The following FAM3B variants were observed in gnomAD, a reference collection of about 807,000 sequenced individuals.
FAM3B encodes the protein protein FAM3B.
Under a neutral mutation model 28.4 loss-of-function variants are expected in FAM3B, and 29 were observed. That is an observed-to-expected ratio of 1.02 (90% CI 0.76 to 1.39). FAM3B has a LOEUF of 1.39. Ranked by LOEUF, FAM3B falls within the 40% of genes most tolerant of loss-of-function variation. The pLI is 0.00. For missense variants in FAM3B, 266 were observed against 293.9 expected (o/e 0.91, Z 0.69); for synonymous variants, 91 against 103.0 (o/e 0.88, Z 0.71).
chr21:41,314,091 G>T (rs1280311364), upstream of FAM3B, among the ~76,000 whole-genome samples: 2 of 152,188 alleles, frequency 1.3e-5, no homozygotes, highest in Admixed American at 6.5e-5. Flanking sequence ...CCTTTGGGAG[G>T]TAATTAGGCT....
chr21:41,325,671 G>A (rs900642884), intron 2 of FAM3B, among the ~76,000 whole-genome samples: 6 of 152,152 alleles, frequency 3.9e-5, no homozygotes, highest in Non-Finnish European at 8.8e-5. Flanking sequence ...GGAACTAAAC[G>A]GTCACTATGG....
chr21:41,304,430 G>A, intron 1 of FAM3B: 1 of 371,322 alleles, frequency 2.7e-6, no homozygotes, highest in Non-Finnish European at 5.3e-6. Context: ...CAGGTTGCCT[G>A]CACCGGCGGT....
intron 7 of FAM3B, 85 bp downstream of exon 7, chr21:41,348,809 T>G (rs893652377): frequency 1.4e-6 from 2 of 1,455,000 alleles, no homozygotes; most frequent in African/African-American, 2.8e-5. Flanking sequence ...GGGTTATAAC[T>G]CCGTCTCCAA....
At chr21:41,352,894 TA>T (rs2089134623) in intron 7 of FAM3B, among the ~76,000 whole-genome samples, 2 of 152,208 alleles carry the variant, frequency 1.3e-5, no homozygotes, top group African/African-American at 4.8e-5. Context: ...GGTGCAAAAG[TA>T]ATTGCACCAA....
chr21:41,316,969 C>T (rs2123689616), intron 1 of FAM3B, 71 bp downstream of exon 1: 1 of 1,226,358 alleles, frequency 8.2e-7, no homozygotes, highest in Non-Finnish European at 1.0e-6. Context: ...CGTCGCTCCC[C>T]AACCCTGCCT....
At chr21:41,310,251 G>C (rs1027295392) in intron 1 of FAM3B, among the ~76,000 whole-genome samples, 1 of 150,548 alleles carries the variant, frequency 6.6e-6, no homozygotes, top group South Asian at 2.1e-4. Flanking sequence ...CCCCGGCCCC[G>C]CATCACCAGT....
At chr21:41,321,760 C>T (rs1307937535) in intron 1 of FAM3B, among the ~76,000 whole-genome samples, 3 of 152,214 alleles carry the variant, frequency 2.0e-5, no homozygotes, top group African/African-American at 7.2e-5. Flanking sequence ...GCAGCATAGC[C>T]GGTGCATGGG....
chr21:41,348,794 C>G, intron 7 of FAM3B, 70 bp downstream of exon 7: 2 of 1,567,400 alleles, frequency 1.3e-6, no homozygotes, highest in South Asian at 2.2e-5. Context: ...GAAAACGTTC[C>G]TGGTGGGTTA....
chr21:41,305,213 C>T (rs2088676979), intron 1 of FAM3B, among the ~76,000 whole-genome samples: 1 of 152,214 alleles, frequency 6.6e-6, no homozygotes, highest in Middle Eastern at 3.4e-3. Flanking sequence ...AAGCACTTTA[C>T]AGGGAGATAG....
intron 5 of FAM3B, 69 bp from the exon 6 acceptor site, chr21:41,346,944 A>G (rs2089066087): frequency 1.5e-6 from 2 of 1,364,038 alleles, no homozygotes; most frequent in Non-Finnish European, 2.1e-6. Flanking sequence ...TGCAGGAGGA[A>G]GCCCAGCACC....
intron 1 of FAM3B, chr21:41,319,478 T>G (rs1265363748): frequency 6.6e-6 from 1 of 152,242 alleles, no homozygotes; most frequent in Non-Finnish European, 1.5e-5. Flanking sequence ...GATCCTGGTT[T>G]CAAAATCTCA....
intron 7 of FAM3B, among the ~76,000 whole-genome samples, chr21:41,351,579 T>G (rs1275840819): frequency 6.6e-6 from 1 of 152,106 alleles, no homozygotes; most frequent in Non-Finnish European, 1.5e-5. Flanking sequence ...TTTGTGTCTG[T>G]GTTACTTTGG....
rs774075824 is a variant in FAM3B, at chr21:41,356,384, T to G, written c.619-724T>G. On this transcript the variant is annotated intron_variant, in intron 7 of 7. Transcript: ENST00000357985. ...CATGCTCAGAACACTTACAGTTGAC[T>G]GCAGTTGGGCAAAATCACCTAACAC... 1.2e-4 allele frequency among the ~76,000 whole-genome samples: 18 copies of G among 152,204 alleles called. No homozygotes were observed. In the East Asian group the frequency reaches 1.7e-3, roughly 15 times the overall value.
intron 7 of FAM3B, among the ~76,000 whole-genome samples, chr21:41,354,687 T>C (rs1481321185): frequency 6.6e-6 from 1 of 152,088 alleles, no homozygotes; most frequent in Non-Finnish European, 1.5e-5. Flanking sequence ...TATTGGAGGC[T>C]GGAAGGTGGG....
chr21:41,347,444 A>G (rs905439413), intron 6 of FAM3B, among the ~76,000 whole-genome samples: 4 of 152,254 alleles, frequency 2.6e-5, no homozygotes, highest in East Asian at 1.9e-4. Flanking sequence ...AAGGAAATTG[A>G]GATAATTTCC....
intron 2 of FAM3B, among the ~76,000 whole-genome samples, chr21:41,328,639 G>A (rs866095587): frequency 2.6e-5 from 4 of 152,194 alleles, no homozygotes; most frequent in African/African-American, 9.7e-5. Context: ...CACTGCGCCC[G>A]GCTGAGAATT....
intron 3 of FAM3B, among the ~76,000 whole-genome samples, chr21:41,342,794 G>A (rs1432132935): frequency 6.6e-6 from 1 of 152,176 alleles, no homozygotes; most frequent in African/African-American, 2.4e-5. Context: ...CATTTAGAGT[G>A]CCTGTGAGTC....
At chr21:41,319,855 C>T (rs1040398266) in intron 1 of FAM3B, 3 of 152,180 alleles carry the variant, frequency 2.0e-5, no homozygotes, top group African/African-American at 7.2e-5. Context: ...GTAGTCCTAA[C>T]CCCTGCCCAG....
chr21:41,316,126 A>C (rs1368121783), upstream of FAM3B, among the ~76,000 whole-genome samples: 1 of 152,164 alleles, frequency 6.6e-6, no homozygotes, highest in African/African-American at 2.4e-5. Flanking sequence ...ATGGGGAGAG[A>C]GGAGCTATTC....
Sources: gnomAD v4.1 joint callset for allele counts (sites outside exome capture counted in the v4.1 genomes callset) on GRCh38, gnomAD v4.1.1 for gene constraint, MANE v1.5 for transcripts, NCBI Gene and HGNC (gene_info 2026-07-23, HGNC 2026-07-21) for gene names.